The following SRP14 variants were observed in gnomAD, a reference collection of about 807,000 sequenced individuals.
SRP14 encodes signal recognition particle 14.
SRP14 carries 1 observed loss-of-function variant against 16.0 expected under a neutral mutation model. That is an observed-to-expected ratio of 0.06 (90% CI 0.02 to 0.30). The LOEUF is 0.30. Among genes scored for constraint, SRP14 ranks in the 10% least tolerant of loss-of-function variants. SRP14 has a pLI of 1.00. For missense variants in SRP14, 120 were observed against 163.1 expected (o/e 0.74, Z 1.44); for synonymous variants, 67 against 60.1 (o/e 1.12, Z -0.53).
chr15:40,037,262 A>T, intron 3 of SRP14: 1 of 1,044,500 alleles, frequency 9.6e-7, no homozygotes, highest in Non-Finnish European at 1.2e-6. Flanking sequence ...GGTGAAAGGC[A>T]GTAGGCTCCT....
chr15:40,039,004 G>T, intron 1 of SRP14, 56 bp from the exon 2 acceptor site: 1 of 1,604,848 alleles, frequency 6.2e-7, no homozygotes, highest in South Asian at 1.1e-5. Context: ...GTCCTGCCGC[G>T]TCAAGGCCCT....
rs779342251 is a variant in SRP14 at position 40,039,132 on chromosome 15, T to C, written c.-16A>G. ...ACAACACCATCGCGGCGACGCTGGC[T>C]CGACTCCCTCCGCTTAAGCCCCTAG... On this transcript the variant is annotated 5_prime_UTR_variant, in exon 1 of 5. Transcript: ENST00000267884. 30 of 1,608,990 alleles carry C rather than the reference T, an allele frequency of 1.9e-5. No individual in the cohort carries two copies. Among genetic ancestry groups the C allele is most frequent in the Non-Finnish European group, 2.5e-5 (29 of 1,178,596 alleles).
intron 3 of SRP14, chr15:40,037,279 G>GAGAAAAAAAAAAA (rs1555424358): frequency 8.0e-6 from 6 of 749,994 alleles, no homozygotes; most frequent in African/African-American, 2.7e-5. Context: ...TCCTTTTGGG[G>GAGAAAAAAAAAAA]AAAAAAAAAA....
intron 4 of SRP14, 124 bp from the exon 5 acceptor site, chr15:40,036,624 T>C: frequency 1.1e-6 from 1 of 937,328 alleles, no homozygotes; most frequent in Non-Finnish European, 1.6e-6. Flanking sequence ...CATTGGACAC[T>C]TGTACCGGAA....
chr15:40,039,027 G>A, intron 1 of SRP14, 66 bp downstream of exon 1: 2 of 1,606,324 alleles, frequency 1.2e-6, no homozygotes, highest in South Asian at 1.1e-5. Context: ...TCCTCCTGCA[G>A]GAGGCACAGG....
Position 40,035,977 on chromosome 15 carries a change from C to A in SRP14, c.*356G>T. ...AAGCCTATTCATTAATCACATCATT[C>A]TAGATTTAGTAGTTATTGCCAGAAC... On this transcript the variant is annotated 3_prime_UTR_variant, in exon 5 of 5. Coordinates refer to ENST00000267884, the MANE Select transcript of SRP14 (RefSeq NM_003134.6). 4.2e-6 allele frequency: 1 copy of A among 237,176 alleles called. No homozygotes were observed. The highest frequency in any genetic ancestry group is 8.1e-6 in the Non-Finnish European group (1 of 123,424). The allele number at this position is 237,176 out of a possible 1,614,324, so 14.7% of individuals were successfully genotyped here. A position where few individuals can be genotyped will look rare whatever the true frequency, so the allele number is the denominator to read the frequency against.
intron 2 of SRP14, 200 bp downstream of exon 2, chr15:40,038,676 C>T (rs1567015180): frequency 1.6e-6 from 1 of 636,222 alleles, no homozygotes; most frequent in Admixed American, 2.9e-5. Flanking sequence ...CCATTGTTAC[C>T]AGAAGCAACC....
rs750862619 is a variant in SRP14 at position 40,036,338 on chromosome 15, GTGCTGCTGT to G, written c.397_405del (p.Thr133_Ala135del). ...AAGCAGGAAATGTATGCCCTTTACT[GTGCTGCTGT>G]TGCTGCTGTTGTTGCTGCTGTTGTT... is the stretch of plus-strand genomic sequence containing the variant. On this transcript the variant is annotated inframe_deletion, in exon 5 of 5. Coordinates refer to ENST00000267884, the MANE Select transcript of SRP14 (RefSeq NM_003134.6). 787 of 1,613,536 alleles carry G rather than the reference GTGCTGCTGT, an allele frequency of 4.9e-4. 1 individual carries two copies. The highest frequency in any genetic ancestry group is 2.8e-3 in the Middle Eastern group (17 of 6,080).
intron 2 of SRP14, 175 bp from the exon 3 acceptor site, chr15:40,038,569 T>A: frequency 1.6e-6 from 1 of 613,686 alleles, no homozygotes; most frequent in Non-Finnish European, 2.9e-6. Context: ...AAACTATTAT[T>A]TCCACGACGG....
intron 3 of SRP14, chr15:40,037,275 TG>T: frequency 3.0e-6 from 1 of 328,152 alleles, no homozygotes; most frequent in East Asian, 1.9e-4. Flanking sequence ...AGGCTCCTTT[TG>T]GGGAAAAAAA....
chr15:40,038,886 G>A lies in SRP14; in HGVS notation c.87C>T (p.Thr29=). The A allele has an allele frequency of 1.2e-6, 2 of 1,613,844 alleles. No homozygotes were observed. The highest frequency in any genetic ancestry group is 1.1e-5 in the South Asian group (1 of 91,054). Residue 29 remains threonine, a synonymous_variant, in exon 2 of 5, where the codon ACC becomes ACT. Transcript: ENST00000267884. The part of the protein sequence containing the change: ...KCRTSGSVYI[T]LKKYDGRTKP... Reference sequence around the variant, plus strand: ...CCTCCCGCTGCTTACACTTCTTCAAGGTGATATAGACGCTGCCCGACGTCC... The same window carrying A: ...CCTCCCGCTGCTTACACTTCTTCAAAGTGATATAGACGCTGCCCGACGTCC...
chr15:40,036,517 A>C lies in SRP14; in HGVS notation c.244-17T>G. On this transcript the variant is annotated splice_polypyrimidine_tract_variant and intron_variant, in intron 4 of 4. Transcript: ENST00000267884. Reference sequence around the variant, plus strand: ...TGAATAAGCCTGAAAGATACAACAGAGCATACCTTAGTGGGAAGATGTGCA... The same window carrying C: ...TGAATAAGCCTGAAAGATACAACAGCGCATACCTTAGTGGGAAGATGTGCA... 1 of 1,608,176 alleles carries C rather than the reference A, an allele frequency of 6.2e-7. No individual in the cohort carries two copies. The highest frequency in any genetic ancestry group is 8.5e-7 in the Non-Finnish European group (1 of 1,175,196).
At chr15:40,037,299 T>A in intron 3 of SRP14, 1 of 659,450 alleles carries the variant, frequency 1.5e-6, no homozygotes, top group South Asian at 3.6e-5. Context: ...AAAAAAGCTT[T>A]GTTTCTCACC....
intron 3 of SRP14, 129 bp from the exon 4 acceptor site, chr15:40,037,147 A>G: frequency 1.6e-6 from 2 of 1,271,062 alleles, no homozygotes; most frequent in Non-Finnish European, 2.1e-6. Flanking sequence ...CCCCAACTTC[A>G]GGGTTCATAA....
chr15:40,038,768 G>A (rs2035671687), intron 2 of SRP14, 108 bp downstream of exon 2: 8 of 1,206,700 alleles, frequency 6.6e-6, no homozygotes, highest in Non-Finnish European at 9.6e-6. Flanking sequence ...GCTCAGTACA[G>A]GGTGGGGAAA....
At chr15:40,037,043 C>G (rs777943297) in intron 3 of SRP14, 25 bp from the exon 4 acceptor site, 1 of 1,612,632 alleles carries the variant, frequency 6.2e-7, no homozygotes, top group Admixed American at 1.7e-5. Flanking sequence ...AAAAAGAGGT[C>G]ATACCTATTA....
In SRP14 at chr15:40,036,415, G is replaced by C; in HGVS notation, c.329C>G (p.Ala110Gly). 2 of 1,614,060 alleles carry C rather than the reference G, an allele frequency of 1.2e-6. No homozygotes were observed. The highest frequency in any genetic ancestry group is 1.7e-6 in the Non-Finnish European group (2 of 1,180,026). Residue 110 changes from alanine (A) to glycine (G), a missense_variant, in exon 5 of 5, where the codon GCA becomes GGA. Transcript: ENST00000267884. ...GGCAGGTGCTGCTGCTGCTGCTGCTGCTGCTGCTTTGGTCTTCTTAGTTTT... is the reference window on the plus strand; with the variant it reads ...GGCAGGTGCTGCTGCTGCTGCTGCTCCTGCTGCTTTGGTCTTCTTAGTTTT... ...KNKTKKTKAA[A>G]AAAAAAPAAA...
chr15:40,036,002 C>G lies in SRP14; in HGVS notation c.*331G>C. The G allele has an allele frequency of 3.3e-6, 1 of 299,268 alleles. No individual in the cohort carries two copies. 18.5% of individuals were successfully genotyped at this position (299,268 alleles called of 1,614,324 possible). On this transcript the variant is annotated 3_prime_UTR_variant, in exon 5 of 5. Coordinates refer to ENST00000267884, the MANE Select transcript of SRP14 (RefSeq NM_003134.6). Reference sequence around the variant, plus strand: ...CTAGATTTAGTAGTTATTGCCAGAACTATTAAAATGGGTTGGGAAAGGAAT... The same window carrying G: ...CTAGATTTAGTAGTTATTGCCAGAAGTATTAAAATGGGTTGGGAAAGGAAT...
rs1335521521 is a variant in SRP14, at chr15:40,036,309, G to T, written c.*24C>A. 6.2e-7 allele frequency: 1 copy of T among 1,610,818 alleles called. No homozygotes were observed. Among genetic ancestry groups the T allele is most frequent in the African/African-American group, 1.3e-5 (1 of 74,978 alleles). The stretch of plus-strand genomic sequence containing the variant: ...AAAATAGCAATTCAGTGGTTAATTG[G>T]TGAAAGCAGGAAATGTATGCCCTTT... On this transcript the variant is annotated 3_prime_UTR_variant, in exon 5 of 5. Transcript: ENST00000267884.
Sources: allele counts gnomAD v4.1 joint callset, GRCh38; gene constraint gnomAD v4.1.1; transcripts MANE v1.5; gene names NCBI Gene and HGNC (gene_info 2026-07-23, HGNC 2026-07-21).